LLGL2: variants seen among roughly 807,000 people sequenced by gnomAD.
LLGL2 encodes the protein LLGL2, scribble cell polarity complex component.
In LLGL2, 81 loss-of-function variants were observed where a neutral mutation model predicts 123.2. The ratio of observed to expected loss-of-function variants is 0.66; its 90% confidence interval spans 0.55 to 0.79. The LOEUF is 0.79. LLGL2 is among the 30% of genes least tolerant of loss of function. LLGL2 has a pLI of 0.00. For missense variants in LLGL2, 1,273 were observed against 1,414.6 expected, an observed-to-expected ratio of 0.90 and a Z score of 1.61; for synonymous variants, 577 against 594.1, an observed-to-expected ratio of 0.97 and a Z score of 0.42.
At chr17:75,536,718 C>G (rs1394516523) in intron 1 of LLGL2, among the ~76,000 whole-genome samples, 1 of 152,234 alleles carries the variant, frequency 6.6e-6, no homozygotes, top group East Asian at 1.9e-4. Flanking sequence ...TCCCATAACC[C>G]TTCCGAGTAC....
rs1282044892 is a variant in LLGL2 at position 75,544,493 on chromosome 17, G to A, written c.75+992G>A. 6.6e-6 allele frequency among the ~76,000 whole-genome samples: 1 copy of A among 152,248 alleles called. No homozygotes were observed. Among genetic ancestry groups the A allele is most frequent in the African/African-American group, 2.4e-5 (1 of 41,462 alleles). ...TTTTGTTATTGATTTGAGAACTGTA[G>A]AAGTCAGCTTGCCCAGGTGCAAACC... On this transcript the variant is annotated intron_variant, in intron 2 of 25. Coordinates refer to ENST00000392550, the MANE Select transcript of LLGL2 (RefSeq NM_001031803.2). This position sits in a 1 kb window ranked among gnomAD's most constrained non-coding sequence, Gnocchi z 4.2.
At position 75,558,606 on chromosome 17, in the gene LLGL2, T is replaced by G. The variant is rs2055027875; in HGVS notation, c.350T>G (p.Phe117Cys). 2.6e-5 allele frequency: 41 copies of G among 1,607,730 alleles called. No homozygotes were observed. The highest frequency in any genetic ancestry group is 3.5e-5 in the Non-Finnish European group (41 of 1,177,398). The change falls in exon 5 of 26, where the codon TTC becomes TGC. Residue 117 changes from phenylalanine (F) to cysteine (C), a missense_variant. Phe to Cys is a radical substitution (Grantham distance 205, BLOSUM62 -2). Coordinates refer to ENST00000392550, the MANE Select transcript of LLGL2 (RefSeq NM_001031803.2). This position sits in a 1 kb window ranked among gnomAD's most constrained non-coding sequence, Gnocchi z 4.0. ...TCGGAGCTGCAGGAGGATGAGAGCT[T>G]CACACTGCGTGGACCCCCAGGGTAA... Reference protein sequence around the residue: ...GASELQEDESFTLRGPPGAAP... With the variant: ...GASELQEDESCTLRGPPGAAP...
chr17:75,537,011 CG>C (rs1487282808), intron 1 of LLGL2, among the ~76,000 whole-genome samples: 1 of 151,992 alleles, frequency 6.6e-6, no homozygotes, highest in African/African-American at 2.4e-5. Flanking sequence ...TTAGTAGAGA[CG>C]GGGTTTTGGC....
chr17:75,538,358 G>T (rs2054084338), intron 1 of LLGL2, among the ~76,000 whole-genome samples: 1 of 152,094 alleles, frequency 6.6e-6, no homozygotes, highest in African/African-American at 2.4e-5. Flanking sequence ...TCTGCATTGG[G>T]CCCCCCACTT....
rs1193871681 is a variant in LLGL2, at chr17:75,558,545, C to T, written c.289C>T (p.Leu97=). The T allele has an allele frequency of 6.2e-7, 1 of 1,609,618 alleles. No homozygotes were observed. ...GGTCACCCTGCTGGATGACAACAGCCTGCACCTTTGGAGCCTGAAGGTCAA... is the reference window on the plus strand; with the variant it reads ...GGTCACCCTGCTGGATGACAACAGCTTGCACCTTTGGAGCCTGAAGGTCAA... ...QLVTLLDDNS[L]HLWSLKVKGG... The change falls in exon 5 of 26, where the codon CTG becomes TTG. Residue 97 remains leucine, a synonymous_variant. Coordinates refer to ENST00000392550, the MANE Select transcript of LLGL2 (RefSeq NM_001031803.2). This position sits in a 1 kb window ranked among gnomAD's most constrained non-coding sequence, Gnocchi z 4.0.
At chr17:75,565,636 G>A (rs3785430) in intron 10 of LLGL2, among the ~76,000 whole-genome samples, 38,192 of 152,066 alleles carry the variant, frequency 0.25, 4,897 homozygotes, top group Non-Finnish European at 0.28. Flanking sequence ...GGAAGGGAGG[G>A]AAGAAACTTG....
rs773208858 is a variant in LLGL2 at position 75,551,820 on chromosome 17, G to A, written c.76-4226G>A. 2.0e-4 allele frequency among the ~76,000 whole-genome samples: 30 copies of A among 152,278 alleles called. No homozygotes were observed. In the Middle Eastern group the frequency reaches 0.01, roughly 52 times the overall value. ...CTGCATTGTATAATTATTTAAACAC[G>A]TGAAATTAATTTTAATTATATATTC... On this transcript the variant is annotated intron_variant, in intron 2 of 25. Transcript: ENST00000392550.
chr17:75,573,661 C>T, intron 21 of LLGL2, 30 bp downstream of exon 21: 1 of 1,521,592 alleles, frequency 6.6e-7, no homozygotes, highest in Admixed American at 1.8e-5. Flanking sequence ...GCCTCTCCCG[C>T]CCCTCCCGCC....
chr17:75,562,294 A>C (rs2055255878), intron 6 of LLGL2: 1 of 152,230 alleles, frequency 6.6e-6, no homozygotes, highest in South Asian at 2.1e-4. Flanking sequence ...GCAAAAATGC[A>C]CTGAATATGA....
chr17:75,558,172 T>A lies in LLGL2; in HGVS notation c.191T>A (p.Val64Glu). The change falls in exon 4 of 26, where the codon GTG becomes GAG. Residue 64 changes from valine to glutamate, a missense_variant. Transcript: ENST00000392550. The surrounding 1 kb of genome is among the most constrained non-coding windows in gnomAD (Gnocchi z 4.0). ...ACTCCTAGCTACGGAGCCCCAGGCGTGGAGTTCATGGGGCTGCACCAGGAG... is the reference window on the plus strand; with the variant it reads ...ACTCCTAGCTACGGAGCCCCAGGCGAGGAGTTCATGGGGCTGCACCAGGAG... ...GAIKLYGAPG[V>E]EFMGLHQENN... 6.2e-7 allele frequency: 1 copy of A among 1,613,670 alleles called. No individual in the cohort carries two copies. Among genetic ancestry groups the A allele is most frequent in the Non-Finnish European group, 8.5e-7 (1 of 1,179,900 alleles).
Position 75,558,320 on chromosome 17 carries a change from T to C in LLGL2, c.255+84T>C. On this transcript the variant is annotated intron_variant, in intron 4 of 25. Coordinates refer to ENST00000392550, the MANE Select transcript of LLGL2 (RefSeq NM_001031803.2). This position sits in a 1 kb window ranked among gnomAD's most constrained non-coding sequence, Gnocchi z 4.0. Reference sequence around the variant, plus strand: ...TCCAGCAGGGCTGGTGTGGAGAGGCTGGCATTCGGTGGCCCTGGGTTTGCT... The same window carrying C: ...TCCAGCAGGGCTGGTGTGGAGAGGCCGGCATTCGGTGGCCCTGGGTTTGCT... 1 of 1,359,984 alleles carries C rather than the reference T, an allele frequency of 7.4e-7. No individual in the cohort carries two copies. Among genetic ancestry groups the C allele is most frequent in the Non-Finnish European group, 1.0e-6 (1 of 975,886 alleles). 84.2% of individuals were successfully genotyped at this position (1,359,984 alleles called of 1,614,324 possible). A position where few individuals can be genotyped will look rare whatever the true frequency, so the allele number is the denominator to read the frequency against.
intron 1 of LLGL2, among the ~76,000 whole-genome samples, chr17:75,533,422 A>T (rs1173119425): frequency 2.1e-5 from 3 of 144,484 alleles, no homozygotes; most frequent in African/African-American, 5.2e-5. Flanking sequence ...CTCCTGCCTC[A>T]GCCTCCTGAG....
At chr17:75,562,908 G>C in intron 6 of LLGL2, 108 bp from the exon 7 acceptor site, 1 of 1,342,362 alleles carries the variant, frequency 7.4e-7, no homozygotes, top group Admixed American at 2.0e-5. Context: ...TTCTATGCTG[G>C]CACATGGAGC....
At position 75,569,241 on chromosome 17, in the gene LLGL2, C is replaced by G. The variant is rs1394965003; in HGVS notation, c.1497C>G (p.Tyr499Ter). The change falls in exon 14 of 26, where the codon TAC (tyrosine) becomes TAG (stop). Residue 499 changes from tyrosine (Y) to a stop codon, truncating the protein, a stop_gained. Transcript: ENST00000392550. LOFTEE classifies it high-confidence loss of function. The part of the protein sequence containing the change: ...PLRKVGSFDP[Y>*]SDDPRLGIQK... ...TCCAGGTGGGCTCCTTTGACCCCTA[C>G]AGTGATGACCCCCGGCTGGGCATCC... The G allele has an allele frequency of 6.8e-6, 11 of 1,613,688 alleles. No homozygotes were observed. The highest frequency in any genetic ancestry group is 9.3e-6 in the Non-Finnish European group (11 of 1,180,026).
Position 75,573,029 on chromosome 17 carries a change from A to C in LLGL2, c.2476A>C (p.Lys826Gln). Reference protein sequence around the residue: ...EEQFKVFTLPKVSAKLKLKLT... With the variant: ...EEQFKVFTLPQVSAKLKLKLT... Reference sequence around the variant, plus strand: ...ACGCCCCCAGGTGTTCACGCTGCCCAAGGTGAGTGCCAAGCTGAAGTTGAA... The same window carrying C: ...ACGCCCCCAGGTGTTCACGCTGCCCCAGGTGAGTGCCAAGCTGAAGTTGAA... Residue 826 changes from lysine (K) to glutamine (Q), a missense_variant, in exon 20 of 26, where the codon AAG becomes CAG. Lys to Gln is a moderately conservative substitution (Grantham distance 53). Coordinates refer to ENST00000392550, the MANE Select transcript of LLGL2 (RefSeq NM_001031803.2). 6.2e-7 allele frequency: 1 copy of C among 1,608,778 alleles called. No individual in the cohort carries two copies. The highest frequency in any genetic ancestry group is 8.5e-7 in the Non-Finnish European group (1 of 1,176,582).
chr17:75,562,250 T>TA (rs1362126745), intron 6 of LLGL2: 1 of 152,204 alleles, frequency 6.6e-6, no homozygotes, highest in Non-Finnish European at 1.5e-5. Flanking sequence ...TTTATGGGGC[T>TA]AAAAAACTTC....
rs566061629 is a variant in LLGL2, at chr17:75,575,007, A to G, written c.*129A>G. 1.6e-5 allele frequency: 21 copies of G among 1,313,488 alleles called. No homozygotes were observed. The highest frequency in any genetic ancestry group is 9.2e-5 in the East Asian group (4 of 43,342). 81.4% of individuals were successfully genotyped at this position (1,313,488 alleles called of 1,614,324 possible). A position where few individuals can be genotyped will look rare whatever the true frequency, so the allele number is the denominator to read the frequency against. On this transcript the variant is annotated 3_prime_UTR_variant, in exon 26 of 26. Coordinates refer to ENST00000392550, the MANE Select transcript of LLGL2 (RefSeq NM_001031803.2). ...GGCTGGGGGCATCCCGGCTTCCACA[A>G]TGCAGCTGCTCTGGGCCTCGGGAGA...
In LLGL2 at chr17:75,525,718, G is replaced by A. The variant is rs1232245331; in HGVS notation, c.-138G>A. Reference sequence around the variant, plus strand: ...CGCCGCGCCGGAGGTGAGCAGGAAGGAGACGGCCGCCCAGCAGCCCGTGGG... The same window carrying A: ...CGCCGCGCCGGAGGTGAGCAGGAAGAAGACGGCCGCCCAGCAGCCCGTGGG... On this transcript the variant is annotated 5_prime_UTR_variant, in exon 1 of 26. Transcript: ENST00000392550. This position sits in a 1 kb window ranked among gnomAD's most constrained non-coding sequence, Gnocchi z 4.8. The A allele has an allele frequency of 1.3e-5, 2 of 150,882 alleles. No individual in the cohort carries two copies. Among genetic ancestry groups the A allele is most frequent in the Admixed American group, 6.6e-5 (1 of 15,156 alleles). 9.3% of individuals were successfully genotyped at this position (150,882 alleles called of 1,614,324 possible). A position where few individuals can be genotyped will look rare whatever the true frequency, so the allele number is the denominator to read the frequency against.
In LLGL2 at chr17:75,564,463, G is replaced by T. The variant is rs745709991; in HGVS notation, c.992G>T (p.Arg331Leu). 12 of 1,613,478 alleles carry T rather than the reference G, an allele frequency of 7.4e-6. No individual in the cohort carries two copies. Among genetic ancestry groups the T allele is most frequent in the Admixed American group, 1.7e-5 (1 of 60,022 alleles). Residue 331 changes from arginine to leucine, a missense_variant, in exon 10 of 26, where the codon CGT (arginine) becomes CTT (leucine). Transcript: ENST00000392550. This position sits in a 1 kb window ranked among gnomAD's most constrained non-coding sequence, Gnocchi z 4.9. ...CAGACGGCCTTCGACTTCACCTCCCGTGTCATCGGCTTCACTGTCCTCACA... is the reference window on the plus strand; with the variant it reads ...CAGACGGCCTTCGACTTCACCTCCCTTGTCATCGGCTTCACTGTCCTCACA... ...GQQTAFDFTS[R>L]VIGFTVLTEA...
Sources: allele counts gnomAD v4.1 joint callset (sites outside exome capture counted in the v4.1 genomes callset), GRCh38; gene constraint gnomAD v4.1.1; non-coding constraint Gnocchi (gnomAD v3.1); transcripts MANE v1.5; gene names NCBI Gene and HGNC (gene_info 2026-07-23, HGNC 2026-07-21).